The following GCG variants were observed in gnomAD, a reference collection of about 807,000 sequenced individuals.
GCG encodes pro-glucagon.
In GCG, 11 loss-of-function variants were observed where a neutral mutation model predicts 22.8. The observed-to-expected ratio is 0.48, with a 90% CI of 0.30 to 0.80. GCG has a LOEUF of 0.80. GCG is among the 30% of genes least tolerant of loss of function. The pLI is 0.06. For synonymous variants in GCG, 89 were observed against 72.4 expected, an observed-to-expected ratio of 1.23 and a Z score of -1.16; for missense variants, 222 against 222.0, an observed-to-expected ratio of 1.00 and a Z score of 0.00.
Position 162,142,984 on chromosome 2 carries a change from T to C in GCG, c.*380A>G, listed in dbSNP as rs538428277. ...AAAGTTCTCTTTCCAATTTCACCAC[T>C]GTGGCTACCAGTTCTTCTATTCTCC... On this transcript the variant is annotated 3_prime_UTR_variant, in exon 6 of 6. Transcript: ENST00000418842. 1 of 164,626 alleles carries C rather than the reference T, an allele frequency of 6.1e-6. No individual in the cohort carries two copies. 10.2% of individuals were successfully genotyped at this position (164,626 alleles called of 1,614,324 possible). A position where few individuals can be genotyped will look rare whatever the true frequency, so the allele number is the denominator to read the frequency against.
intron 5 of GCG, 81 bp downstream of exon 5, chr2:162,143,946 A>T (rs572287083): frequency 2.5e-6 from 3 of 1,202,660 alleles, no homozygotes; most frequent in Middle Eastern, 1.9e-4. Flanking sequence ...TTCCCCCTAC[A>T]TGGGGAACAG....
chr2:162,143,629 G>A lies in GCG; in HGVS notation c.537-259C>T, dbSNP rs5652. Reference sequence around the variant, plus strand: ...TTCATCAAGATAAGTATTTTTCGGTGTCCAGTTCTCACTACTCTTCTTATT... The same window carrying A: ...TTCATCAAGATAAGTATTTTTCGGTATCCAGTTCTCACTACTCTTCTTATT... On this transcript the variant is annotated intron_variant, in intron 5 of 5. Transcript: ENST00000418842. Among the ~76,000 whole-genome samples, 1,065 of 152,188 alleles carry A rather than the reference G, an allele frequency of 7.0e-3. 10 individuals are homozygous for A. The highest frequency in any genetic ancestry group is 0.023 in the African/African-American group (972 of 41,534).
chr2:162,144,898 T>C (rs1337013322), intron 4 of GCG: 1 of 152,164 alleles, frequency 6.6e-6, no homozygotes, highest in East Asian at 1.9e-4. Flanking sequence ...AAGTAATTGA[T>C]GGTCTTGGTT....
rs748036610 is a variant in GCG at position 162,147,386 on chromosome 2, A to T, written c.221T>A (p.Phe74Tyr). ...KYLDSRRAQD[F>Y]VQWLMNTKRN... ...CTTGGTATTCATCAACCACTGCACAAAATCTTGGGCACGCCTGGAGTCCAG... is the reference window on the plus strand; with the variant it reads ...CTTGGTATTCATCAACCACTGCACATAATCTTGGGCACGCCTGGAGTCCAG... The change falls in exon 3 of 6, where the codon TTT (phenylalanine) becomes TAT (tyrosine). Residue 74 changes from phenylalanine (F) to tyrosine (Y), a missense_variant. Physicochemically the swap from Phe to Tyr is conservative, Grantham distance 22. Coordinates refer to ENST00000418842, the MANE Select transcript of GCG (RefSeq NM_002054.5). 6.2e-7 allele frequency: 1 copy of T among 1,613,192 alleles called. No homozygotes were observed. The highest frequency in any genetic ancestry group is 1.3e-5 in the African/African-American group (1 of 74,856).
In GCG at chr2:162,147,418, G is replaced by C; in HGVS notation, c.189C>G (p.Ser63Arg). 1 of 1,612,678 alleles carries C rather than the reference G, an allele frequency of 6.2e-7. No individual in the cohort carries two copies. The highest frequency in any genetic ancestry group is 8.5e-7 in the Non-Finnish European group (1 of 1,178,848). ...GGGCACGCCTGGAGTCCAGATACTT[G>C]CTGTAGTCACTGGTGAATGTGCCCT... Reference protein sequence around the residue: ...HSQGTFTSDYSKYLDSRRAQD... With the variant: ...HSQGTFTSDYRKYLDSRRAQD... Residue 63 changes from serine (S) to arginine (R), a missense_variant, in exon 3 of 6, where the codon AGC becomes AGG. Transcript: ENST00000418842.
At chr2:162,147,613 T>A in intron 2 of GCG, 99 bp from the exon 3 acceptor site, 1 of 1,010,526 alleles carries the variant, frequency 9.9e-7, no homozygotes, top group Non-Finnish European at 1.6e-6. Context: ...TATAAAACAG[T>A]AAGGCAGGCA....
At position 162,149,162 on chromosome 2, in the gene GCG, A is replaced by G. The variant is rs914882585; in HGVS notation, c.17T>C (p.Phe6Ser). Residue 6 changes from phenylalanine (F) to serine (S), a missense_variant, in exon 2 of 6, where the codon TTT becomes TCT. Transcript: ENST00000418842. The part of the protein sequence containing the change: MKSIY[F>S]VAGLFVMLVQ... ...CAGCATTACAAATAATCCAGCCACA[A>G]AGTAAATGCTTTTCATTTCTGCTGT... 2 of 1,611,526 alleles carry G rather than the reference A, an allele frequency of 1.2e-6. No homozygotes were observed. Among genetic ancestry groups the G allele is most frequent in the African/African-American group, 2.7e-5 (2 of 74,732 alleles).
At chr2:162,150,357 T>A (rs2106198358) in intron 1 of GCG, among the ~76,000 whole-genome samples, 1 of 152,314 alleles carries the variant, frequency 6.6e-6, no homozygotes, top group Non-Finnish European at 1.5e-5. Flanking sequence ...TTATCATTTT[T>A]AAACTATCAA....
intron 1 of GCG, 113 bp from the exon 2 acceptor site, chr2:162,149,300 G>A: frequency 1.6e-6 from 1 of 637,608 alleles, no homozygotes; most frequent in East Asian, 2.6e-5. Flanking sequence ...GAAGGAAAAA[G>A]CTAGTGTTAT....
In GCG at chr2:162,147,453, G is replaced by A. The variant is rs1244876125; in HGVS notation, c.154C>T (p.Arg52Cys). The change falls in exon 3 of 6, where the codon CGC (arginine) becomes TGC (cysteine). Residue 52 changes from arginine to cysteine, a missense_variant. Physicochemically the swap from Arg to Cys is radical, Grantham distance 180. Transcript: ENST00000418842. ...SDPDQMNEDK[R>C]HSQGTFTSDY... The stretch of plus-strand genomic sequence containing the variant: ...CTGGTGAATGTGCCCTGTGAATGGC[G>A]CTTGTCCTCGTTCATCTGATCAGGA... 10 of 1,612,924 alleles carry A rather than the reference G, an allele frequency of 6.2e-6. No individual in the cohort carries two copies. The highest frequency in any genetic ancestry group is 2.7e-5 in the African/African-American group (2 of 74,826).
chr2:162,147,904 T>G (rs1439518611), intron 2 of GCG, among the ~76,000 whole-genome samples: 2 of 152,158 alleles, frequency 1.3e-5, no homozygotes, highest in Non-Finnish European at 2.9e-5. Flanking sequence ...GCTCCCAATT[T>G]TGTTTTGCAT....
intron 4 of GCG, chr2:162,145,299 C>A (rs1686653383): frequency 2.8e-6 from 1 of 362,048 alleles, no homozygotes; most frequent in Admixed American, 4.7e-5. Flanking sequence ...AGATTTAATA[C>A]CTAATTATAA....
intron 2 of GCG, among the ~76,000 whole-genome samples, chr2:162,148,202 G>C (rs1686742389): frequency 1.3e-5 from 2 of 152,078 alleles, no homozygotes; most frequent in African/African-American, 4.8e-5. Context: ...CTGCTGATGA[G>C]AGTGTGCATG....
intron 3 of GCG, 86 bp downstream of exon 3, chr2:162,147,267 G>T: frequency 1.0e-6 from 1 of 970,392 alleles, no homozygotes; most frequent in Non-Finnish European, 1.6e-6. Flanking sequence ...TATTTGACGA[G>T]CATAAGAACT....
intron 4 of GCG, chr2:162,145,006 T>C (rs1358358113): frequency 6.6e-6 from 1 of 152,138 alleles, no homozygotes; most frequent in Non-Finnish European, 1.5e-5. Context: ...CTATTTGTAC[T>C]TTGAATATCA....
At chr2:162,151,998 A>G (rs925898091) in intron 1 of GCG, among the ~76,000 whole-genome samples, 160 bp downstream of exon 1, 1 of 152,138 alleles carries the variant, frequency 6.6e-6, no homozygotes, top group Non-Finnish European at 1.5e-5. Context: ...AGTACACGTA[A>G]ATGCATTTGA....
chr2:162,148,737 A>G (rs1015348486), intron 2 of GCG, among the ~76,000 whole-genome samples: 3 of 152,112 alleles, frequency 2.0e-5, no homozygotes, highest in Admixed American at 1.3e-4. Flanking sequence ...AAATAATGCT[A>G]TTTTTTAAAG....
At chr2:162,143,509 G>T in intron 5 of GCG, 139 bp from the exon 6 acceptor site, 1 of 460,236 alleles carries the variant, frequency 2.2e-6, no homozygotes, top group Non-Finnish European at 3.9e-6. Flanking sequence ...TCCATCCTTT[G>T]GACTCTTAAA....
chr2:162,143,925 G>A (rs760243873), intron 5 of GCG, 102 bp downstream of exon 5: 2 of 889,212 alleles, frequency 2.2e-6, no homozygotes, highest in Middle Eastern at 2.1e-4. Flanking sequence ...TATAATAAGA[G>A]ATTATAGACT....
Sources: gnomAD v4.1 joint callset for allele counts (sites outside exome capture counted in the v4.1 genomes callset) on GRCh38, gnomAD v4.1.1 for gene constraint, MANE v1.5 for transcripts, NCBI Gene and HGNC (gene_info 2026-07-23, HGNC 2026-07-21) for gene names.